The following AGBL1 variants were observed in gnomAD, a reference collection of about 807,000 sequenced individuals.
AGBL1 encodes the protein cytosolic carboxypeptidase 4.
AGBL1 carries 130 observed loss-of-function variants against 118.9 expected under a neutral mutation model. The ratio of observed to expected loss-of-function variants is 1.09; its 90% CI spans 0.95 to 1.26. The LOEUF is 1.26. Among genes scored for constraint, AGBL1 ranks in the 50% most tolerant of loss-of-function variants. AGBL1 has a pLI of 0.00. For synonymous variants in AGBL1, 555 were observed against 478.9 expected, an observed-to-expected ratio of 1.16 and a Z score of -2.08; for missense variants, 1,584 against 1,298.1, an observed-to-expected ratio of 1.22 and a Z score of -3.38.
In AGBL1 at chr15:86,556,278, G is replaced by A. The variant is rs747719185; in HGVS notation, c.2994+1741G>A. The A allele has an allele frequency of 2.5e-6, 4 of 1,612,112 alleles. No individual in the cohort carries two copies. The highest frequency in any genetic ancestry group is 2.5e-6 in the Non-Finnish European group (3 of 1,178,378). ...AATGAAAGGGCTCACCCAGTGGATG[G>A]CCTTCAGGTATTGGAGCAGCATTTA... On this transcript the variant is annotated intron_variant, in intron 21 of 22. Coordinates refer to ENST00000614907, the MANE Select transcript of AGBL1 (RefSeq NM_001386094.1).
intron 22 of AGBL1, among the ~76,000 whole-genome samples, chr15:86,863,693 T>C (rs1280062152): frequency 2.0e-5 from 3 of 152,188 alleles, no homozygotes; most frequent in Admixed American, 6.5e-5. Flanking sequence ...GCATTTCATA[T>C]TGTAAATGTT....
At chr15:87,028,036 T>TTA (rs2081751577) in intron 24 of AGBL1, among the ~76,000 whole-genome samples, 1 of 150,360 alleles carries the variant, frequency 6.7e-6, no homozygotes, top group African/African-American at 2.5e-5. Context: ...TACACTGAAC[T>TTA]TAAAAGTGGA....
intron 22 of AGBL1, among the ~76,000 whole-genome samples, chr15:86,746,821 A>T (rs1192858832): frequency 2.0e-5 from 3 of 152,086 alleles, no homozygotes. Flanking sequence ...ACTATGCAAC[A>T]ACATAGGCAC....
intron 24 of AGBL1, among the ~76,000 whole-genome samples, chr15:87,007,611 A>T (rs1298984706): frequency 6.6e-6 from 1 of 152,228 alleles, no homozygotes; most frequent in Non-Finnish European, 1.5e-5. Flanking sequence ...ATAACTATAT[A>T]AGAAGTTGGG....
At chr15:86,447,063 G>T (rs1221067066) in intron 18 of AGBL1, among the ~76,000 whole-genome samples, 1 of 151,472 alleles carries the variant, frequency 6.6e-6, no homozygotes, top group Non-Finnish European at 1.5e-5. Context: ...CCATAAATCT[G>T]AATTTTTTGT....
chr15:86,666,216 G>C (rs1389967604), intron 21 of AGBL1, among the ~76,000 whole-genome samples: 1 of 151,862 alleles, frequency 6.6e-6, no homozygotes, highest in African/African-American at 2.4e-5. Flanking sequence ...GCTGTCTCTT[G>C]GTCCTAGGAT....
At chr15:86,839,780 C>T (rs1233946966) in intron 22 of AGBL1, among the ~76,000 whole-genome samples, 1 of 152,136 alleles carries the variant, frequency 6.6e-6, no homozygotes, top group Non-Finnish European at 1.5e-5. Flanking sequence ...CCTTCTAATT[C>T]CTTTCAGGGA....
intron 22 of AGBL1, among the ~76,000 whole-genome samples, chr15:86,769,660 C>T (rs1306575711): frequency 6.6e-6 from 1 of 152,008 alleles, no homozygotes; most frequent in African/African-American, 2.4e-5. Context: ...TCACCATCCC[C>T]ATCGACATTG....
chr15:86,426,685 A>G (rs1272894994), intron 18 of AGBL1, among the ~76,000 whole-genome samples: 1 of 152,200 alleles, frequency 6.6e-6, no homozygotes, highest in Non-Finnish European at 1.5e-5. Flanking sequence ...CATTAGTTGA[A>G]ATCCTTTGTG....
chr15:86,741,493 G>C (rs1567150650), intron 22 of AGBL1, among the ~76,000 whole-genome samples: 1 of 143,152 alleles, frequency 7.0e-6, no homozygotes. Context: ...AATAAGCACT[G>C]ATAATGTAAA....
At chr15:86,713,050 C>A (rs562044743) in intron 22 of AGBL1, among the ~76,000 whole-genome samples, 6 of 152,296 alleles carry the variant, frequency 3.9e-5, no homozygotes, top group African/African-American at 1.4e-4. Flanking sequence ...CAGGAGAAAG[C>A]AAGCTCCTTG....
chr15:86,683,702 C>A (rs536125151), intron 22 of AGBL1, among the ~76,000 whole-genome samples: 1 of 152,132 alleles, frequency 6.6e-6, no homozygotes, highest in East Asian at 1.9e-4. Flanking sequence ...GGATTTCAAT[C>A]AAGAAACTCA....
intron 22 of AGBL1, among the ~76,000 whole-genome samples, chr15:86,708,973 A>T (rs995823): frequency 0.47 from 71,224 of 151,942 alleles, 18,079 homozygotes; most frequent in African/African-American, 0.67. Context: ...CCAAATCCTT[A>T]ACCAGCTTTT....
At chr15:86,239,209 G>C (rs1217751784) in intron 6 of AGBL1, among the ~76,000 whole-genome samples, 1 of 152,146 alleles carries the variant, frequency 6.6e-6, no homozygotes, top group Non-Finnish European at 1.5e-5. Context: ...TGGAGCTTCG[G>C]AAAAGCATCT....
chr15:86,610,978 A>T (rs1346067026), intron 21 of AGBL1, among the ~76,000 whole-genome samples: 1 of 152,202 alleles, frequency 6.6e-6, no homozygotes, highest in African/African-American at 2.4e-5. Flanking sequence ...AGACCTGCTG[A>T]ATCAGAAACT....
chr15:86,671,118 A>G (rs1199689714), intron 21 of AGBL1, among the ~76,000 whole-genome samples: 3 of 152,192 alleles, frequency 2.0e-5, no homozygotes, highest in Admixed American at 2.0e-4. Context: ...ACCAGCGCAT[A>G]GTAAAGCTGG....
At chr15:87,028,719 A>G in intron 24 of AGBL1, 1 of 979,594 alleles carries the variant, frequency 1.0e-6, no homozygotes, top group East Asian at 2.5e-5. Flanking sequence ...AGATGAGGAA[A>G]ATGAATTTCG....
chr15:86,341,989 G>GGC (rs778733875), intron 17 of AGBL1, among the ~76,000 whole-genome samples: 11 of 152,100 alleles, frequency 7.2e-5, no homozygotes, highest in African/African-American at 1.2e-4. Flanking sequence ...GTTAAAATAA[G>GGC]TAATTACTTT....
intron 18 of AGBL1, among the ~76,000 whole-genome samples, chr15:86,444,773 G>A (rs902478533): frequency 6.6e-6 from 1 of 152,050 alleles, no homozygotes; most frequent in Non-Finnish European, 1.5e-5. Flanking sequence ...ACCGGCACAA[G>A]ACAAGGGGCC....
Sources: allele counts gnomAD v4.1 joint callset (sites outside exome capture counted in the v4.1 genomes callset), GRCh38; gene constraint gnomAD v4.1.1; transcripts MANE v1.5; gene names NCBI Gene and HGNC (gene_info 2026-07-23, HGNC 2026-07-21).